USP45: variants seen among roughly 807,000 people sequenced by gnomAD.
The protein encoded by USP45 is ubiquitin carboxyl-terminal hydrolase 45.
A neutral mutation model predicts 95.8 loss-of-function variants in USP45; 89 were observed. The observed-to-expected ratio is 0.93, with a 90% confidence interval of 0.78 to 1.11. USP45 has a LOEUF of 1.11. Ranked by LOEUF, USP45 falls within the 50% of genes least tolerant of loss-of-function variation. The pLI is 0.00. For synonymous variants in USP45, 281 were observed against 316.2 expected, an observed-to-expected ratio of 0.89 and a Z score of 1.18; for missense variants, 898 against 942.5, an observed-to-expected ratio of 0.95 and a Z score of 0.62.
At chr6:99,484,015 T>A (rs1190601073) in intron 7 of USP45, among the ~76,000 whole-genome samples, 7 of 140,604 alleles carry the variant, frequency 5.0e-5, no homozygotes, top group Admixed American at 2.1e-4. Flanking sequence ...TTTTTTTTTT[T>A]TTTTTTTTTT....
chr6:99,500,260 C>T (rs887045086), intron 5 of USP45, among the ~76,000 whole-genome samples: 9 of 151,994 alleles, frequency 5.9e-5, no homozygotes, highest in East Asian at 1.9e-4. Flanking sequence ...GAGTAGCTGG[C>T]GTTACAGGAA....
upstream of USP45, among the ~76,000 whole-genome samples, chr6:99,517,435 CTTT>C (rs1173670962): frequency 6.7e-6 from 1 of 150,196 alleles, no homozygotes; most frequent in Non-Finnish European, 1.5e-5. Flanking sequence ...TATTTTTTTC[CTTT>C]TTTTGTTTTT....
chr6:99,495,605 C>A (rs1312632292), intron 5 of USP45, among the ~76,000 whole-genome samples: 2 of 152,164 alleles, frequency 1.3e-5, no homozygotes, highest in African/African-American at 4.8e-5. Flanking sequence ...AGAATTCACA[C>A]ACTTAAACAT....
At position 99,485,571 on chromosome 6, in the gene USP45, T is replaced by C. The variant is rs556640384; in HGVS notation, c.714+2629A>G. 9.2e-5 allele frequency among the ~76,000 whole-genome samples: 14 copies of C among 152,192 alleles called. No homozygotes were observed. The East Asian group carries it at 2.3e-3, about 25-fold the overall frequency. Reference sequence around the variant, plus strand: ...TTACTCATGTGGGTTAGGGAAGTAGTGAATGTGGGGGGGAGTTGAAGGGGC... The same window carrying C: ...TTACTCATGTGGGTTAGGGAAGTAGCGAATGTGGGGGGGAGTTGAAGGGGC... On this transcript the variant is annotated intron_variant, in intron 7 of 17. Coordinates refer to ENST00000500704, the MANE Select transcript of USP45 (RefSeq NM_001346022.3).
At chr6:99,480,495 G>C (rs912297611) in intron 8 of USP45, among the ~76,000 whole-genome samples, 3 of 152,268 alleles carry the variant, frequency 2.0e-5, no homozygotes, top group Non-Finnish European at 2.9e-5. Context: ...GACCAACATG[G>C]AGAAACCCCA....
chr6:99,464,549 C>T lies in USP45; in HGVS notation c.1308+55G>A, dbSNP rs72930694. 14,198 of 1,556,354 alleles carry T rather than the reference C, an allele frequency of 9.1e-3. 86 individuals carry two copies. Among genetic ancestry groups the T allele is most frequent in the Non-Finnish European group, 0.011 (12,971 of 1,154,768 alleles). On this transcript the variant is annotated intron_variant, in intron 13 of 17. Transcript: ENST00000500704. The stretch of plus-strand genomic sequence containing the variant: ...TCTCTACTTTTAGATGTGCTTGAAA[C>T]TTTTGTTAATAAACTGTTAAAAAAC...
At chr6:99,513,431 C>G (rs1393884067) in intron 1 of USP45, among the ~76,000 whole-genome samples, 1 of 152,166 alleles carries the variant, frequency 6.6e-6, no homozygotes, top group Non-Finnish European at 1.5e-5. Flanking sequence ...CAAATTTGAT[C>G]TTTCTAACCC....
At chr6:99,472,869 G>A (rs1046539727) in intron 9 of USP45, among the ~76,000 whole-genome samples, 1 of 152,132 alleles carries the variant, frequency 6.6e-6, no homozygotes, top group African/African-American at 2.4e-5. Flanking sequence ...TCAATCAGCA[G>A]TATTTTATAG....
chr6:99,507,947 T>C (rs1798897031), intron 3 of USP45, among the ~76,000 whole-genome samples: 1 of 152,192 alleles, frequency 6.6e-6, no homozygotes, highest in African/African-American at 2.4e-5. Context: ...TGAGATGCAA[T>C]TCTGGTTAAT....
At position 99,452,679 on chromosome 6, in the gene USP45, A is replaced by G. The variant is rs575322260; in HGVS notation, c.1309-6216T>C. Among the ~76,000 whole-genome samples the G allele has an allele frequency of 2.0e-5, 3 of 152,350 alleles. No homozygotes were observed. The South Asian group carries it at 6.2e-4, about 32-fold the overall frequency. On this transcript the variant is annotated intron_variant, in intron 13 of 17. Transcript: ENST00000500704. ...TAACCCAGCCATCCCATTACTGGGT[A>G]TATACCCAAAAGATTATAAATCATG...
At chr6:99,456,089 C>T (rs1244073732) in intron 13 of USP45, among the ~76,000 whole-genome samples, 23 of 138,146 alleles carry the variant, frequency 1.7e-4, no homozygotes, top group East Asian at 4.7e-4. Flanking sequence ...GCCAAGATCG[C>T]GCCACTGTAC....
At chr6:99,469,026 C>G (rs959634429) in intron 9 of USP45, among the ~76,000 whole-genome samples, 1 of 152,040 alleles carries the variant, frequency 6.6e-6, no homozygotes, top group African/African-American at 2.4e-5. Context: ...TCTATGAAGA[C>G]CTTTCTATAT....
At chr6:99,451,029 A>AT (rs1317883445) in intron 13 of USP45, among the ~76,000 whole-genome samples, 7 of 152,312 alleles carry the variant, frequency 4.6e-5, no homozygotes, top group Admixed American at 1.3e-4. Context: ...CTGATGGGAC[A>AT]TATCTCAAAA....
In USP45 at chr6:99,468,563, T is replaced by G; in HGVS notation, c.989A>C (p.Asp330Ala). ...AFNNPTTKTA[D>A]DETRKKVKAY... is the part of the protein sequence containing the mutation. ...TTTGACTTTTTTTCTAGTTTCATCATCAGCAGTTTTAGTAGTTGGGTTGTT... is the reference window on the plus strand; with the variant it reads ...TTTGACTTTTTTTCTAGTTTCATCAGCAGCAGTTTTAGTAGTTGGGTTGTT... The change falls in exon 10 of 18, where the codon GAT (aspartate) becomes GCT (alanine). Residue 330 changes from aspartate (D) to alanine (A), a missense_variant. Physicochemically the swap from Asp to Ala is moderately radical, Grantham distance 126 (BLOSUM62 -2). Coordinates refer to ENST00000500704, the MANE Select transcript of USP45 (RefSeq NM_001346022.3). 1.9e-6 allele frequency: 3 copies of G among 1,608,978 alleles called. No individual in the cohort carries two copies. The highest frequency in any genetic ancestry group is 2.5e-6 in the Non-Finnish European group (3 of 1,176,960).
intron 1 of USP45, among the ~76,000 whole-genome samples, chr6:99,511,067 T>G (rs543682392): frequency 3.9e-5 from 6 of 152,298 alleles, no homozygotes; most frequent in Non-Finnish European, 5.9e-5. Context: ...ACTACATTTT[T>G]GGGGGTTTTT....
rs554655097 is a variant in USP45 at position 99,439,891 on chromosome 6, T to C, written c.2074-36A>G. On this transcript the variant is annotated intron_variant, in intron 15 of 17. Transcript: ENST00000500704. ...CCAAAACATTTTTGAAATGCAACAA[T>C]TAGAAATAAAGCATTGTCTTTGTTA... 30 of 1,521,276 alleles carry C rather than the reference T, an allele frequency of 2.0e-5. No homozygotes were observed. The East Asian group carries it at 2.5e-4, about 13-fold the overall frequency. 94.2% of individuals were successfully genotyped at this position (1,521,276 alleles called of 1,614,324 possible). A position where few individuals can be genotyped will look rare whatever the true frequency, so the allele number is the denominator to read the frequency against.
At chr6:99,475,723 GAAGA>G (rs760816430) in intron 9 of USP45, among the ~76,000 whole-genome samples, 7 of 152,052 alleles carry the variant, frequency 4.6e-5, no homozygotes, top group African/African-American at 1.2e-4. Flanking sequence ...ATATCTTACA[GAAGA>G]AAGAAAAAAT....
intron 2 of USP45, 58 bp from the exon 3 acceptor site, chr6:99,508,840 T>TA: frequency 6.8e-7 from 1 of 1,478,388 alleles, no homozygotes; most frequent in Non-Finnish European, 9.1e-7. Context: ...GTGCTACCAT[T>TA]ACTGAGCAAA....
At chr6:99,457,477 T>C (rs12214543) in intron 13 of USP45, among the ~76,000 whole-genome samples, 22,338 of 152,176 alleles carry the variant, frequency 0.15, 2,360 homozygotes, top group Non-Finnish European at 0.21. Flanking sequence ...ATGTGAATAT[T>C]GGGGCAGGTT....
Sources: gnomAD v4.1 joint callset for allele counts (sites outside exome capture counted in the v4.1 genomes callset) on GRCh38, gnomAD v4.1.1 for gene constraint, MANE v1.5 for transcripts, NCBI Gene and HGNC (gene_info 2026-07-23, HGNC 2026-07-21) for gene names.